Variants in MYH9 observed in about 807,000 individuals in gnomAD.
MYH9 encodes the protein myosin-9.
MYH9 carries 29 observed loss-of-function variants against 241.9 expected under a neutral mutation model. That is an observed-to-expected ratio of 0.12 (90% CI 0.09 to 0.16). The LOEUF (loss-of-function observed/expected upper bound fraction) is 0.16. Among genes scored for constraint, MYH9 ranks in the 10% least tolerant of loss-of-function variants. The pLI, the probability that MYH9 is intolerant of heterozygous loss-of-function variation, is 1.00. For missense variants in MYH9, 1,803 were observed against 2,595.5 expected (o/e 0.69, Z 6.63); for synonymous variants, 1,047 against 1,062.6 (o/e 0.99, Z 0.29).
At chr22:36,292,568 G>A (rs116418072) in intron 30 of MYH9, among the ~76,000 whole-genome samples, 38 of 152,266 alleles carry the variant, frequency 2.5e-4, no homozygotes, top group African/African-American at 8.7e-4. Flanking sequence ...GGGTGTCCAC[G>A]GGGTCCCCAT....
At chr22:36,304,985 G>T in intron 18 of MYH9, 48 bp downstream of exon 18, 1 of 1,588,996 alleles carries the variant, frequency 6.3e-7, no homozygotes, top group East Asian at 2.2e-5. Context: ...GCACTCCCCA[G>T]ACAAGGGGCT....
At chr22:36,342,825 C>T (rs752919101) in intron 2 of MYH9, among the ~76,000 whole-genome samples, 1 of 152,208 alleles carries the variant, frequency 6.6e-6, no homozygotes, top group Non-Finnish European at 1.5e-5. Flanking sequence ...TACGGCCCTG[C>T]CTCTGTGAAG....
chr22:36,301,587 T>C lies in MYH9; in HGVS notation c.2578A>G (p.Lys860Glu). The C allele has an allele frequency of 6.2e-7, 1 of 1,614,004 alleles. No individual in the cohort carries two copies. Among genetic ancestry groups the C allele is most frequent in the Non-Finnish European group, 8.5e-7 (1 of 1,180,014 alleles). The change falls in exon 21 of 41, where the codon AAG (lysine) becomes GAG (glutamate). Residue 860 changes from lysine (K) to glutamate (E), a missense_variant. Lys to Glu is a moderately conservative substitution (Grantham distance 56). Around this residue, in one of 11 missense-constraint regions of MYH9, gnomAD observed 290 missense variants for 360.5 expected, o/e 0.80. Transcript: ENST00000216181. ...KEEELVKVRE[K>E]QLAAENRLTE... ...AGCCTGTTCTCCGCAGCCAGCTGCTTCTCTCTGACCTTCACCAGCTCCTCC... is the reference window on the plus strand; with the variant it reads ...AGCCTGTTCTCCGCAGCCAGCTGCTCCTCTCTGACCTTCACCAGCTCCTCC...
At chr22:36,335,991 C>T (rs534938324) in intron 3 of MYH9, among the ~76,000 whole-genome samples, 20 of 152,324 alleles carry the variant, frequency 1.3e-4, no homozygotes, top group Admixed American at 2.0e-4. Flanking sequence ...GCACTCTGAG[C>T]GGCTGCTGGG....
At position 36,320,346 on chromosome 22, in the gene MYH9, G is replaced by A; in HGVS notation, c.886C>T (p.Pro296Ser). Reference sequence around the variant, plus strand: ...GACAGGAAGCGGTATTTGTTGTACGGCTCCAACAGGAGATCGGCTGTAAGG... The same window carrying A: ...GACAGGAAGCGGTATTTGTTGTACGACTCCAACAGGAGATCGGCTGTAAGG... The part of the protein sequence containing the change: ...EHLKTDLLLE[P>S]YNKYRFLSNG... Residue 296 changes from proline (P) to serine (S), a missense_variant, in exon 9 of 41, where the codon CCG (proline) becomes TCG (serine). Transcript: ENST00000216181. The surrounding 1 kb of genome is among the most constrained non-coding windows in gnomAD (Gnocchi z 4.8). 6.2e-7 allele frequency: 1 copy of A among 1,613,882 alleles called. No individual in the cohort carries two copies.
In MYH9 at chr22:36,306,281, C is replaced by T. The variant is rs927205636; in HGVS notation, c.2037+133G>A. 6.0e-6 allele frequency: 8 copies of T among 1,330,764 alleles called. No individual in the cohort carries two copies. The African/African-American group carries it at 1.0e-4, about 17-fold the overall frequency. 82.4% of individuals were successfully genotyped at this position (1,330,764 alleles called of 1,614,324 possible). On this transcript the variant is annotated intron_variant, in intron 16 of 40. Coordinates refer to ENST00000216181, the MANE Select transcript of MYH9 (RefSeq NM_002473.6). This position sits in a 1 kb window ranked among gnomAD's most constrained non-coding sequence, Gnocchi z 4.1. Reference sequence around the variant, plus strand: ...TATCTCCTAAGCGAGCCAAGGCCCACCCTGCAGAGAAACGACTGAAGGCTC... The same window carrying T: ...TATCTCCTAAGCGAGCCAAGGCCCATCCTGCAGAGAAACGACTGAAGGCTC...
intron 35 of MYH9, 72 bp downstream of exon 35, chr22:36,286,646 A>G (rs539649696): frequency 1.9e-6 from 3 of 1,600,754 alleles, no homozygotes; most frequent in Non-Finnish European, 2.5e-6. Flanking sequence ...CCCTGTCCTC[A>G]GCTGAAAGCC....
In MYH9 at chr22:36,306,088, G is replaced by A. The variant is rs199891411; in HGVS notation, c.2038-37C>T. The A allele has an allele frequency of 4.0e-5, 64 of 1,611,186 alleles. No individual in the cohort carries two copies. The Admixed American group carries it at 4.7e-4, about 12-fold the overall frequency. On this transcript the variant is annotated intron_variant, in intron 16 of 40. Transcript: ENST00000216181. This position sits in a 1 kb window ranked among gnomAD's most constrained non-coding sequence, Gnocchi z 4.1. ...AACACATGCATGCGGTCTCACTTCC[G>A]TGCCTAGAACAGTCGGAGAATAGTC... is the stretch of plus-strand genomic sequence containing the variant.
At position 36,285,898 on chromosome 22, in the gene MYH9, A is replaced by G; in HGVS notation, c.5117T>C (p.Leu1706Pro). The change falls in exon 36 of 41, where the codon CTG becomes CCG. Residue 1706 changes from leucine (L) to proline (P), a missense_variant. Coordinates refer to ENST00000216181, the MANE Select transcript of MYH9 (RefSeq NM_002473.6). The surrounding 1 kb of genome is among the most constrained non-coding windows in gnomAD (Gnocchi z 7.0). ...KRQAQQERDE[L>P]ADEIANSSGK... ...GCTGCTGTTGGCGATCTCGTCAGCC[A>G]GCTCATCCCGCTCCTGCTGGGCCTG... 6.2e-7 allele frequency: 1 copy of G among 1,612,118 alleles called. No homozygotes were observed. The highest frequency in any genetic ancestry group is 8.5e-7 in the Non-Finnish European group (1 of 1,179,656).
At position 36,329,145 on chromosome 22, in the gene MYH9, G is replaced by A. The variant is rs1033295186; in HGVS notation, c.491-1657C>T. 3.9e-5 allele frequency among the ~76,000 whole-genome samples: 6 copies of A among 152,100 alleles called. No homozygotes were observed. Among genetic ancestry groups the A allele is most frequent in the Admixed American group, 2.0e-4 (3 of 15,278 alleles). ...TCCTCCCAGCCCCCTAAGCATCAAC[G>A]GGGTGGGGGCGCAGAGGGGCTGGGT... On this transcript the variant is annotated intron_variant, in intron 3 of 40. Transcript: ENST00000216181. The surrounding 1 kb of genome is among the most constrained non-coding windows in gnomAD (Gnocchi z 4.1).
intron 38 of MYH9, 152 bp downstream of exon 38, chr22:36,284,969 G>A (rs2016554535): frequency 2.8e-6 from 2 of 714,574 alleles, no homozygotes; most frequent in Non-Finnish European, 4.7e-6. Flanking sequence ...CACCCAACCT[G>A]TGGAAGGGAT....
intron 18 of MYH9, 57 bp from the exon 19 acceptor site, chr22:36,304,212 A>T: frequency 6.3e-7 from 1 of 1,582,604 alleles, no homozygotes; most frequent in Non-Finnish European, 8.7e-7. Context: ...GCTCCATGAA[A>T]GGGTGGCCCA....
chr22:36,301,042 A>G lies in MYH9; in HGVS notation c.2647T>C (p.Leu883=), dbSNP rs769869517. 8.1e-6 allele frequency: 13 copies of G among 1,610,102 alleles called. No homozygotes were observed. The East Asian group carries it at 2.7e-4, about 33-fold the overall frequency. ...GCCTGGAGCTGCTCCTGCAGCTGCA[A>G]TTTCTCTGCCATGAGCTGCAAACAA... ...TLQSQLMAEK[L]QLQEQLQAET... is the part of the protein sequence containing the mutation. Residue 883 remains leucine, a synonymous_variant, in exon 22 of 41, where the codon TTG becomes CTG. Transcript: ENST00000216181.
intron 2 of MYH9, among the ~76,000 whole-genome samples, chr22:36,345,345 C>T (rs1376437457): frequency 6.6e-6 from 1 of 151,696 alleles, no homozygotes; most frequent in African/African-American, 2.4e-5. Flanking sequence ...CCCATGGAAT[C>T]CTCGCAGATG....
At chr22:36,308,713 C>CA (rs1556634505) in intron 15 of MYH9, 1 of 517,340 alleles carries the variant, frequency 1.9e-6, no homozygotes, top group Admixed American at 4.4e-4. Context: ...AAAGCCAAGG[C>CA]AAGGGGGGGC....
intron 1 of MYH9, among the ~76,000 whole-genome samples, chr22:36,382,764 C>T (rs1320190952): frequency 1.3e-5 from 2 of 152,014 alleles, no homozygotes; most frequent in Non-Finnish European, 1.5e-5. Context: ...GATCATGCCA[C>T]TGTACTCCAG....
rs1441031662 is a variant in MYH9 at position 36,294,196 on chromosome 22, G to A, written c.3733C>T (p.His1245Tyr). The change falls in exon 28 of 41, where the codon CAC (histidine) becomes TAC (tyrosine). Residue 1245 changes from histidine (H) to tyrosine (Y), a missense_variant. This residue lies in a region of MYH9 where 876 missense variants were observed against 1,077.8 expected (regional missense o/e 0.81). Transcript: ENST00000216181. ...VLLQGKGDSE[H>Y]KRKKVEAQLQ... is the part of the protein sequence containing the mutation. ...TGCGCCTCCACTTTCTTGCGCTTGT[G>A]CTCCGAGTCCCCTTTGCCCTGCAGC... is the stretch of plus-strand genomic sequence containing the variant. The A allele has an allele frequency of 6.2e-7, 1 of 1,613,984 alleles. No homozygotes were observed. The highest frequency in any genetic ancestry group is 1.7e-5 in the Admixed American group (1 of 60,026).
chr22:36,311,624 G>C, intron 14 of MYH9, among the ~76,000 whole-genome samples: 1 of 152,196 alleles, frequency 6.6e-6, no homozygotes, highest in South Asian at 2.1e-4. Context: ...ACATAATCCT[G>C]TATGGTGGGT....
At chr22:36,311,954 G>T in intron 14 of MYH9, 95 bp downstream of exon 14, 1 of 1,492,104 alleles carries the variant, frequency 6.7e-7, no homozygotes, top group Non-Finnish European at 9.3e-7. Flanking sequence ...ACACCCCTGC[G>T]TCCCCAGCAG....
Sources: gnomAD v4.1 joint callset for allele counts (sites outside exome capture counted in the v4.1 genomes callset) on GRCh38, gnomAD v4.1.1 for gene constraint, gnomAD v4.1.1 regional missense constraint, Gnocchi (gnomAD v3.1) non-coding constraint, MANE v1.5 for transcripts, NCBI Gene and HGNC (gene_info 2026-07-23, HGNC 2026-07-21) for gene names.